The following F8 variants were observed in gnomAD, a reference collection of about 807,000 sequenced individuals.
F8 encodes the protein coagulation factor VIII.
Under a neutral mutation model 140.6 loss-of-function variants are expected in F8, and 12 were observed. The ratio of observed to expected loss-of-function variants is 0.09; its 90% CI spans 0.05 to 0.14. The LOEUF (loss-of-function observed/expected upper bound fraction) is 0.14, where lower values mean the gene tolerates loss of function less well. F8 is among the 10% of genes least tolerant of loss of function. The pLI is 1.00. For synonymous variants in F8, 585 were observed against 614.6 expected, an observed-to-expected ratio of 0.95 and a Z score of 0.71; for missense variants, 1,354 against 1,720.7, an observed-to-expected ratio of 0.79 and a Z score of 3.77.
chrX:154,938,857 A>T (rs920470333), intron 13 of F8, among the ~76,000 whole-genome samples: 2 of 105,612 alleles, frequency 1.9e-5, no homozygotes, highest in Admixed American at 1.0e-4. Context: ...AGAAATGCAG[A>T]AAAGAATGAA....
intron 6 of F8, among the ~76,000 whole-genome samples, chrX:154,970,642 T>C (rs1287440391): frequency 1.8e-5 from 2 of 111,637 alleles, no homozygotes; most frequent in African/African-American, 6.5e-5. Flanking sequence ...GTCCAGACTC[T>C]CTACTAAGGA....
At chrX:155,006,070 T>A (rs2073675391) in intron 1 of F8, among the ~76,000 whole-genome samples, 2 of 112,462 alleles carry the variant, frequency 1.8e-5, no homozygotes, top group South Asian at 7.3e-4. Flanking sequence ...TTTATTCATG[T>A]GCTTAAAAAG....
chrX:154,998,977 C>T (rs1302765429), intron 2 of F8, among the ~76,000 whole-genome samples: 1 of 111,344 alleles, frequency 9.0e-6, no homozygotes, highest in African/African-American at 3.3e-5. Flanking sequence ...TCCCACTCCC[C>T]ATGGGGTAAG....
At chrX:154,897,482 T>A (rs1327928605) in intron 21 of F8, 1 of 112,351 alleles carries the variant, frequency 8.9e-6, no homozygotes, top group Non-Finnish European at 1.9e-5. Flanking sequence ...CCTTATATCA[T>A]ATATGTTTTT....
At chrX:154,952,156 C>A (rs2073340753) in intron 12 of F8, among the ~76,000 whole-genome samples, 1 of 111,766 alleles carries the variant, frequency 8.9e-6, no homozygotes, top group African/African-American at 3.2e-5. Flanking sequence ...AATTCTAAAC[C>A]AAAGCCATGA....
intron 22 of F8, among the ~76,000 whole-genome samples, chrX:154,865,238 T>C (rs1557273083): frequency 9.0e-6 from 1 of 111,058 alleles, no homozygotes; most frequent in Non-Finnish European, 1.9e-5. Flanking sequence ...CTGGAAAAAC[T>C]GTCCTTTAAG....
At chrX:154,973,689 C>A (rs2073470485) in intron 6 of F8, among the ~76,000 whole-genome samples, 1 of 112,424 alleles carries the variant, frequency 8.9e-6, no homozygotes, top group Admixed American at 9.4e-5. Context: ...TTGTAGACTA[C>A]AAGTTTACTA....
At chrX:154,925,379 C>T (rs2073154941) in intron 14 of F8, among the ~76,000 whole-genome samples, 1 of 111,980 alleles carries the variant, frequency 8.9e-6, no homozygotes, top group African/African-American at 3.3e-5. Context: ...GGGGTACCAC[C>T]TAGTGGAGCT....
chrX:154,961,276 G>A, intron 9 of F8, 108 bp from the exon 10 acceptor site: 1 of 502,024 alleles, frequency 2.0e-6, no homozygotes, highest in Non-Finnish European at 3.5e-6. Flanking sequence ...CTACATTATA[G>A]TAATTTGAGG....
intron 6 of F8, among the ~76,000 whole-genome samples, chrX:154,976,728 T>C (rs957962199): frequency 1.8e-5 from 2 of 111,356 alleles, no homozygotes; most frequent in African/African-American, 3.3e-5. Context: ...ATATACACCA[T>C]GGAATACTAT....
intron 22 of F8, among the ~76,000 whole-genome samples, chrX:154,865,243 T>TAA (rs2072723136): frequency 1.8e-5 from 2 of 111,023 alleles, no homozygotes; most frequent in Non-Finnish European, 3.8e-5. Flanking sequence ...AAAACTGTCC[T>TAA]TTAAGAATGA....
intron 25 of F8, among the ~76,000 whole-genome samples, chrX:154,851,329 T>C (rs781802860): frequency 1.1e-4 from 12 of 112,501 alleles, no homozygotes; most frequent in Non-Finnish European, 2.1e-4. Flanking sequence ...TGTTTGCTAT[T>C]ATGAATAGTA....
chrX:154,863,331 C>T (rs1230751992), intron 22 of F8, 104 bp from the exon 23 acceptor site: 1 of 716,954 alleles, frequency 1.4e-6, no homozygotes, highest in Non-Finnish European at 2.2e-6. Context: ...CGTTTCTCAA[C>T]AGCATCCAAC....
At chrX:154,925,046 T>C (rs1451259271) in intron 14 of F8, among the ~76,000 whole-genome samples, 3 of 112,205 alleles carry the variant, frequency 2.7e-5, no homozygotes, top group African/African-American at 3.2e-5. Flanking sequence ...CCCATTGTCT[T>C]GGGGATTAAC....
chrX:154,996,850 T>C (rs1175917268), intron 3 of F8, 123 bp downstream of exon 3: 1 of 781,565 alleles, frequency 1.3e-6, no homozygotes, highest in Non-Finnish European at 1.9e-6. Context: ...TAGTAAATGT[T>C]AAGAAATACA....
intron 22 of F8, among the ~76,000 whole-genome samples, chrX:154,871,077 G>C (rs1332139991): frequency 8.9e-6 from 1 of 112,368 alleles, no homozygotes; most frequent in African/African-American, 3.2e-5. Context: ...AACATTCCAT[G>C]CTCATGGATA....
At position 154,896,083 on chromosome X, in the gene F8, G is replaced by A. The variant is rs781907922; in HGVS notation, c.6423C>T (p.Thr2141=). The A allele has an allele frequency of 8.3e-7, 1 of 1,209,021 alleles. No homozygotes were observed. The highest frequency in any genetic ancestry group is 1.1e-6 in the Non-Finnish European group (1 of 893,566). The change falls in exon 22 of 26, where the codon ACC becomes ACT. Residue 2141 remains threonine, a synonymous_variant. Transcript: ENST00000360256. The part of the protein sequence containing the change: ...WQTYRGNSTG[T]LMVFFGNVDS... ...TAAATGACTAATTACATACCATTAAGGTTCCAGTGGAATTTCCTCGATAAG... is the reference window on the plus strand; with the variant it reads ...TAAATGACTAATTACATACCATTAAAGTTCCAGTGGAATTTCCTCGATAAG...
chrX:154,905,028 A>G lies in F8; in HGVS notation c.5374-5T>C, dbSNP rs782049434. The G allele has an allele frequency of 2.6e-6, 3 of 1,168,200 alleles. No individual in the cohort carries two copies. In the Admixed American group the frequency reaches 6.6e-5, roughly 26 times the overall value. On this transcript the variant is annotated splice_region_variant and splice_polypyrimidine_tract_variant and intron_variant, in intron 15 of 25. Coordinates refer to ENST00000360256, the MANE Select transcript of F8 (RefSeq NM_000132.4). ...GGCCTGATTTCTGAAAGTTACCTGTAGAACAATAACGACAAAAAAAAAAAA... is the reference window on the plus strand; with the variant it reads ...GGCCTGATTTCTGAAAGTTACCTGTGGAACAATAACGACAAAAAAAAAAAA...
rs1301161816 is a variant in F8 at position 154,930,615 on chromosome X, T to A, written c.3175A>T (p.Lys1059Ter). Residue 1059 changes from lysine (K) to a stop codon, truncating the protein, a stop_gained, in exon 14 of 26, where the codon AAA becomes TAA. Coordinates refer to ENST00000360256, the MANE Select transcript of F8 (RefSeq NM_000132.4). LOFTEE classifies it high-confidence loss of function. ...QNILESDTEF[K>*]KVTPLIHDRM... Reference sequence around the variant, plus strand: ...TCATGAATCAAAGGTGTCACTTTTTTAAACTCAGTGTCACTTTCTAATATA... The same window carrying A: ...TCATGAATCAAAGGTGTCACTTTTTAAAACTCAGTGTCACTTTCTAATATA... The A allele has an allele frequency of 8.3e-7, 1 of 1,210,402 alleles. No homozygotes were observed. Among genetic ancestry groups the A allele is most frequent in the Non-Finnish European group, 1.1e-6 (1 of 894,112 alleles).
Sources: allele counts gnomAD v4.1 joint callset (sites outside exome capture counted in the v4.1 genomes callset), GRCh38; gene constraint gnomAD v4.1.1; transcripts MANE v1.5; gene names NCBI Gene and HGNC (gene_info 2026-07-23, HGNC 2026-07-21).